ADCK5: variants seen among roughly 807,000 people sequenced by gnomAD.
The protein encoded by ADCK5 is uncharacterized aarF domain-containing protein kinase 5.
In ADCK5, 43 loss-of-function variants were observed where a neutral mutation model predicts 64.9. That is an observed-to-expected ratio of 0.66 (90% CI 0.52 to 0.85). The LOEUF is 0.85. ADCK5 is among the 40% of genes least tolerant of loss of function. The probability of loss-of-function intolerance (pLI) is 0.00; values close to 1 mark genes in which losing one functional copy is unlikely to be tolerated. For synonymous variants in ADCK5, 434 were observed against 342.8 expected, an observed-to-expected ratio of 1.27 and a Z score of -2.94; for missense variants, 760 against 810.5, an observed-to-expected ratio of 0.94 and a Z score of 0.76.
chr8:144,390,256 A>G (rs1450614486), intron 3 of ADCK5, among the ~76,000 whole-genome samples: 1 of 152,174 alleles, frequency 6.6e-6, no homozygotes, highest in Admixed American at 6.5e-5. Flanking sequence ...CTTCCTGAGG[A>G]GCTGGGACCA....
chr8:144,376,920 G>T lies in ADCK5; in HGVS notation c.13-2467G>T, dbSNP rs995140884. ...GCTGCATGTGACCTCGCCAAGCAGG[G>T]GTTTCTGTCAACCCGCCCTCTAGGG... On this transcript the variant is annotated intron_variant, in intron 1 of 14. Coordinates refer to ENST00000308860, the MANE Select transcript of ADCK5 (RefSeq NM_174922.5). The surrounding 1 kb of genome is among the most constrained non-coding windows in gnomAD (Gnocchi z 5.1). Among the ~76,000 whole-genome samples the T allele has an allele frequency of 6.6e-6, 1 of 152,222 alleles. No homozygotes were observed. The highest frequency in any genetic ancestry group is 1.9e-4 in the East Asian group (1 of 5,202).
At chr8:144,392,418 T>TACCAA in intron 12 of ADCK5, 27 bp from the exon 13 acceptor site, 7 of 799,124 alleles carry the variant, frequency 8.8e-6, no homozygotes, top group Non-Finnish European at 1.0e-5. Flanking sequence ...CAGAGCCCCC[T>TACCAA]CCCTCCCTCC....
Position 144,393,181 on chromosome 8 carries a change from G to C in ADCK5, c.*107G>C. ...GCCCCGTGGGCACTCGCACTGGGGG[G>C]CTGTGACAGCAGCTGGGCCAGGAGG... On this transcript the variant is annotated 3_prime_UTR_variant, in exon 15 of 15. Coordinates refer to ENST00000308860, the MANE Select transcript of ADCK5 (RefSeq NM_174922.5). The C allele has an allele frequency of 7.4e-7, 1 of 1,346,914 alleles. No individual in the cohort carries two copies. The allele number at this position is 1,346,914 out of a possible 1,614,324, so 83.4% of individuals were successfully genotyped here.
At position 144,392,932 on chromosome 8, in the gene ADCK5, CCCCACCCACCTGTGACCTGTGACCTGA is replaced by C; in HGVS notation, c.1638-31_1638-5del. On this transcript the variant is annotated splice_polypyrimidine_tract_variant and intron_variant, in intron 14 of 14. Coordinates refer to ENST00000308860, the MANE Select transcript of ADCK5 (RefSeq NM_174922.5). ...GGCAGGTGGGTGGCGGGGGCCTGCT[CCCCACCCACCTGTGACCTGTGACCTGA>C]CCCACGCAGGCTGGAGACCTTGGCC... is the stretch of plus-strand genomic sequence containing the variant. 6.3e-7 allele frequency: 1 copy of C among 1,586,354 alleles called. No homozygotes were observed. Among genetic ancestry groups the C allele is most frequent in the East Asian group, 2.3e-5 (1 of 44,044 alleles).
chr8:144,386,282 G>A (rs532183267), intron 3 of ADCK5, among the ~76,000 whole-genome samples: 1 of 151,926 alleles, frequency 6.6e-6, no homozygotes, highest in South Asian at 2.1e-4. Flanking sequence ...AAATGGCTGG[G>A]ATTACAGGTG....
At chr8:144,381,299 A>G (rs1819620901) in intron 2 of ADCK5, among the ~76,000 whole-genome samples, 1 of 146,134 alleles carries the variant, frequency 6.8e-6, no homozygotes. Context: ...CCCCTGCTGC[A>G]CTCAGGATTA....
At position 144,393,008 on chromosome 8, in the gene ADCK5, T is replaced by C; in HGVS notation, c.1677T>C (p.Ala559=). Residue 559 remains alanine, a synonymous_variant, in exon 15 of 15, where the codon GCT becomes GCC. Coordinates refer to ENST00000308860, the MANE Select transcript of ADCK5 (RefSeq NM_174922.5). ...CCATGCGGCTGACCGCCCTCCTGGC[T>C]CGTGCTCTGGTCCACCTGAGCCTCG... ...TLAMRLTALL[A]RALVHLSLVP... The C allele has an allele frequency of 6.3e-7, 1 of 1,590,828 alleles. No homozygotes were observed. The highest frequency in any genetic ancestry group is 8.5e-7 in the Non-Finnish European group (1 of 1,172,072).
In ADCK5 at chr8:144,391,356, T is replaced by C. The variant is rs376020799; in HGVS notation, c.685-5T>C. 2.6e-5 allele frequency: 42 copies of C among 1,613,016 alleles called. No individual in the cohort carries two copies. The Admixed American group carries it at 7.0e-4, about 27-fold the overall frequency. ...AAGTTCTCACCACACCCTCGCCCAG[T>C]GCAGGTGCAGTACATCGACCTGCGG... On this transcript the variant is annotated splice_region_variant and splice_polypyrimidine_tract_variant and intron_variant, in intron 6 of 14. Coordinates refer to ENST00000308860, the MANE Select transcript of ADCK5 (RefSeq NM_174922.5).
chr8:144,388,853 C>CG (rs559597825), intron 3 of ADCK5, among the ~76,000 whole-genome samples: 5 of 152,300 alleles, frequency 3.3e-5, no homozygotes, highest in East Asian at 1.9e-4. Flanking sequence ...CCTGAATGGC[C>CG]GGGGGGTCGC....
At chr8:144,392,212 C>G (rs782066898) in intron 11 of ADCK5, 42 bp downstream of exon 11, 13 of 1,548,460 alleles carry the variant, frequency 8.4e-6, no homozygotes, top group Non-Finnish European at 1.1e-5. Context: ...CAAGCCTCTC[C>G]TGCCGCAGGG....
chr8:144,391,318 A>C (rs1396317033), intron 6 of ADCK5, 43 bp from the exon 7 acceptor site: 6 of 1,612,150 alleles, frequency 3.7e-6, no homozygotes, highest in Non-Finnish European at 5.1e-6. Flanking sequence ...GGGGCGGGGC[A>C]CAGTGGGGCC....
At chr8:144,377,225 C>T (rs566767989) in intron 1 of ADCK5, among the ~76,000 whole-genome samples, 21 of 152,312 alleles carry the variant, frequency 1.4e-4, no homozygotes, top group African/African-American at 4.1e-4. Flanking sequence ...CCAAGGTTTC[C>T]AGTGAGAGCT....
intron 3 of ADCK5, among the ~76,000 whole-genome samples, chr8:144,385,373 A>G (rs1373674462): frequency 6.6e-6 from 1 of 151,532 alleles, no homozygotes; most frequent in African/African-American, 2.4e-5. Context: ...TAGTAGAGAC[A>G]GGGTTTCGTC....
chr8:144,374,218 C>CT (rs1289200205), intron 1 of ADCK5, 111 bp downstream of exon 1: 1,646 of 1,049,418 alleles, frequency 1.6e-3, no homozygotes, highest in Non-Finnish European at 1.8e-3. Context: ...CTTTTTCCCT[C>CT]TTTTTTTTTG....
chr8:144,391,290 C>T lies in ADCK5; in HGVS notation c.684+16C>T, dbSNP rs150608673. On this transcript the variant is annotated intron_variant, in intron 6 of 14. Transcript: ENST00000308860. ...GGCTGTGAAGGTATATGGGGGCTGC[C>T]TTGTTCAGCAGTGGGCTGGGGCGGG... 2.4e-4 allele frequency: 387 copies of T among 1,612,352 alleles called. No homozygotes were observed. In the African/African-American group the frequency reaches 4.3e-3, roughly 18 times the overall value.
At chr8:144,389,881 TG>T (rs1820125789) in intron 3 of ADCK5, among the ~76,000 whole-genome samples, 1 of 148,610 alleles carries the variant, frequency 6.7e-6, no homozygotes, top group African/African-American at 2.5e-5. Flanking sequence ...CAGGCTGGAG[TG>T]CAATGGCGCG....
Position 144,390,990 on chromosome 8 carries a change from T to TC in ADCK5, c.483dup (p.Glu162ArgfsTer23), listed in dbSNP as rs782669473. The TC allele has an allele frequency of 1.2e-6, 2 of 1,612,770 alleles. No homozygotes were observed. The highest frequency in any genetic ancestry group is 2.2e-5 in the East Asian group (1 of 44,864). On this transcript the variant is annotated frameshift_variant, in exon 5 of 15. Transcript: ENST00000308860. LOFTEE classifies it high-confidence loss of function. Reference sequence around the variant, plus strand: ...GGCTGTGCTCCTTCAACCACCTGCTTCCCCCCGAGTATACCCGGACCCTGC... The same window carrying TC: ...GGCTGTGCTCCTTCAACCACCTGCTTCCCCCCCGAGTATACCCGGACCCTGC...
At chr8:144,386,512 C>T (rs1211112889) in intron 3 of ADCK5, among the ~76,000 whole-genome samples, 1 of 151,972 alleles carries the variant, frequency 6.6e-6, no homozygotes, top group Non-Finnish European at 1.5e-5. Flanking sequence ...TGCCCACCAT[C>T]ACGCCCGGCT....
At position 144,389,122 on chromosome 8, in the gene ADCK5, T is replaced by C. The variant is rs764759594; in HGVS notation, c.267-1549T>C. The C allele has an allele frequency of 6.5e-5, 24 of 372,020 alleles. 1 individual carries two copies. The highest frequency in any genetic ancestry group is 1.3e-4 in the Non-Finnish European group (23 of 182,450). The allele number at this position is 372,020 out of a possible 1,614,324, so 23.0% of individuals were successfully genotyped here. A position where few individuals can be genotyped will look rare whatever the true frequency, so the allele number is the denominator to read the frequency against. On this transcript the variant is annotated intron_variant, in intron 3 of 14. Transcript: ENST00000308860. The stretch of plus-strand genomic sequence containing the variant: ...TTCTCCCAGGGCTCCCACCCTGATA[T>C]CCTCCTAACTGGGGCCAGGCCTGGG...
Sources: gnomAD v4.1 joint callset for allele counts (sites outside exome capture counted in the v4.1 genomes callset) on GRCh38, gnomAD v4.1.1 for gene constraint, Gnocchi (gnomAD v3.1) non-coding constraint, MANE v1.5 for transcripts, NCBI Gene and HGNC (gene_info 2026-07-23, HGNC 2026-07-21) for gene names.